Variants in ZFHX3 observed in about 807,000 individuals in gnomAD.
The protein encoded by ZFHX3 is zinc finger homeobox 3.
A neutral mutation model predicts 279.1 loss-of-function variants in ZFHX3; 42 were observed. The observed-to-expected ratio is 0.15, with a 90% CI of 0.12 to 0.19. The LOEUF is 0.19. Among genes scored for constraint, ZFHX3 ranks in the 10% least tolerant of loss-of-function variants. The probability of loss-of-function intolerance (pLI) is 1.00; values close to 1 mark genes in which losing one functional copy is unlikely to be tolerated. For missense variants in ZFHX3, 4,981 were observed against 4,754.0 expected (o/e 1.05, Z -1.40); for synonymous variants, 2,293 against 1,957.8 (o/e 1.17, Z -4.52).
At chr16:73,067,710 C>A (rs1306405077) in intron 8 of ZFHX3, among the ~76,000 whole-genome samples, 1 of 152,184 alleles carries the variant, frequency 6.6e-6, no homozygotes, top group Non-Finnish European at 1.5e-5. Flanking sequence ...ACTCAGTGGC[C>A]CCTGCAGCTT....
intron 1 of ZFHX3, among the ~76,000 whole-genome samples, chr16:73,736,018 A>T (rs1468661018): frequency 6.6e-6 from 1 of 151,778 alleles, no homozygotes; most frequent in Non-Finnish European, 1.5e-5. Context: ...TAAGCACTGG[A>T]CTCACAGCTC....
At chr16:73,184,318 G>T (rs1221792097) in intron 5 of ZFHX3, among the ~76,000 whole-genome samples, 1 of 152,198 alleles carries the variant, frequency 6.6e-6, no homozygotes, top group Non-Finnish European at 1.5e-5. Context: ...GCAGACCTTT[G>T]CAGCCAATGT....
At chr16:72,800,819 A>G (rs2036076510) in intron 7 of ZFHX3, among the ~76,000 whole-genome samples, 1 of 152,162 alleles carries the variant, frequency 6.6e-6, no homozygotes, top group African/African-American at 2.4e-5. Flanking sequence ...ACTTCTGACC[A>G]ACGTCCCAGC....
chr16:73,496,845 G>T (rs1020560730), intron 2 of ZFHX3, among the ~76,000 whole-genome samples: 6 of 152,148 alleles, frequency 3.9e-5, no homozygotes, highest in Non-Finnish European at 8.8e-5. Flanking sequence ...GCTTCCCCTC[G>T]CCTCCTCCCT....
intron 1 of ZFHX3, among the ~76,000 whole-genome samples, chr16:73,022,735 G>C (rs1030481643): frequency 1.4e-4 from 22 of 152,262 alleles, no homozygotes; most frequent in African/African-American, 5.3e-4. Flanking sequence ...CTGGGAAACA[G>C]GACGTGGTAG....
At chr16:73,326,533 C>G (rs2015692686) in intron 3 of ZFHX3, among the ~76,000 whole-genome samples, 1 of 152,108 alleles carries the variant, frequency 6.6e-6, no homozygotes, top group Non-Finnish European at 1.5e-5. Flanking sequence ...TCGTATGAGT[C>G]TATTTATTTG....
chr16:73,459,414 G>A (rs1349746767), intron 2 of ZFHX3, among the ~76,000 whole-genome samples: 1 of 152,144 alleles, frequency 6.6e-6, no homozygotes, highest in Non-Finnish European at 1.5e-5. Context: ...CCAGGCTGAA[G>A]TGCAGTAGCA....
chr16:73,651,763 G>A (rs928512029), intron 2 of ZFHX3, among the ~76,000 whole-genome samples: 6 of 146,824 alleles, frequency 4.1e-5, no homozygotes, highest in Non-Finnish European at 9.0e-5. Flanking sequence ...GCTGACTCAG[G>A]AGAATGGCAT....
At chr16:73,044,436 C>T (rs1463824772) in intron 1 of ZFHX3, among the ~76,000 whole-genome samples, 4 of 152,328 alleles carry the variant, frequency 2.6e-5, no homozygotes, top group South Asian at 2.1e-4. Context: ...ACAGCACATA[C>T]TGTACTTCTT....
chr16:73,313,340 C>T lies in ZFHX3; in HGVS notation c.-1194+4900G>A, dbSNP rs182058048. 2.4e-4 allele frequency among the ~76,000 whole-genome samples: 37 copies of T among 152,208 alleles called. 1 individual carries two copies. The highest frequency in any genetic ancestry group is 4.0e-4 in the Non-Finnish European group (27 of 68,036). On this transcript the variant is annotated intron_variant, in intron 4 of 17. Coordinates refer to the ZFHX3 transcript ENST00000641206. ...TTCTTTATAGCAGTATGAGAACAGA[C>T]GAATACAGCCAGATTCTGTAGTAAT... is the stretch of plus-strand genomic sequence containing the variant.
rs868411545 is a variant in ZFHX3, at chr16:73,580,513, A to C, written c.-1547+99667T>G. On this transcript the variant is annotated intron_variant, in intron 2 of 17. Coordinates refer to the ZFHX3 transcript ENST00000641206. ...AACAAAAACAAACAAACAAACAAAA[A>C]AAAAAAAACAGAGAAATTTCCTTTG... 7.2e-3 allele frequency among the ~76,000 whole-genome samples: 1,089 copies of C among 151,960 alleles called. 45 individuals carry two copies. The highest frequency in any genetic ancestry group is 0.025 in the African/African-American group (1,018 of 41,282).
chr16:73,494,003 T>C (rs1276028012), intron 2 of ZFHX3, among the ~76,000 whole-genome samples: 3 of 151,842 alleles, frequency 2.0e-5, no homozygotes, highest in Admixed American at 6.6e-5. Context: ...CTTTCTACCT[T>C]CTCCTTGAAG....
chr16:73,128,166 T>A (rs753208809), intron 7 of ZFHX3, among the ~76,000 whole-genome samples: 12 of 151,854 alleles, frequency 7.9e-5, no homozygotes, highest in Non-Finnish European at 1.5e-4. Flanking sequence ...CTGAACTTTT[T>A]CTGACTGATA....
chr16:73,172,131 C>T (rs771705886), intron 5 of ZFHX3, among the ~76,000 whole-genome samples: 15 of 152,174 alleles, frequency 9.9e-5, no homozygotes, highest in Non-Finnish European at 2.1e-4. Context: ...TCCATTGATC[C>T]CTGAGGAGGA....
chr16:73,337,678 T>C (rs2015940019), intron 3 of ZFHX3, among the ~76,000 whole-genome samples: 1 of 151,930 alleles, frequency 6.6e-6, no homozygotes, highest in Non-Finnish European at 1.5e-5. Context: ...TGTGCTGGCC[T>C]CTCTGCTGCT....
At chr16:72,820,869 G>T (rs1567532986) in intron 5 of ZFHX3, among the ~76,000 whole-genome samples, 1 of 152,088 alleles carries the variant, frequency 6.6e-6, no homozygotes, top group Non-Finnish European at 1.5e-5. Flanking sequence ...AAAACCAGTC[G>T]CATGCGAGTC....
rs779473080 is a variant in ZFHX3, at chr16:72,787,310, G to A, written c.10966C>T (p.Pro3656Ser). Residue 3656 changes from proline to serine, a missense_variant, in exon 10 of 10, where the codon CCA becomes TCA. Physicochemically the swap from Pro to Ser is moderately conservative, Grantham distance 74. This residue lies in a region of ZFHX3 where 1,034 missense variants were observed against 786.0 expected (regional missense o/e 1.32). Transcript: ENST00000268489. ...CSTSGVQPSM[P>S]TDDYSEESDT... ...GACTCCTCCGAATAGTCGTCTGTTG[G>A]CATCGAGGGCTGAACCCCTGAGGTG... 1.9e-6 allele frequency: 3 copies of A among 1,613,892 alleles called. No homozygotes were observed. In the African/African-American group the frequency reaches 4.0e-5, roughly 22 times the overall value.
intron 3 of ZFHX3, among the ~76,000 whole-genome samples, chr16:73,362,485 G>A (rs964445587): frequency 2.0e-5 from 3 of 152,180 alleles, no homozygotes; most frequent in African/African-American, 4.8e-5. Context: ...CAGCAGGAGC[G>A]TCTAATGGGT....
chr16:72,961,936 C>G (rs1795261917), intron 1 of ZFHX3, among the ~76,000 whole-genome samples: 1 of 151,342 alleles, frequency 6.6e-6, no homozygotes, highest in African/African-American at 2.4e-5. Context: ...AACCAAACAG[C>G]AAACGCAATG....
Sources: allele counts gnomAD v4.1 joint callset (sites outside exome capture counted in the v4.1 genomes callset), GRCh38; gene constraint gnomAD v4.1.1; regional missense constraint gnomAD v4.1.1; transcripts MANE v1.5; gene names NCBI Gene and HGNC (gene_info 2026-07-23, HGNC 2026-07-21).